Variants in UBR3 observed in about 807,000 individuals in gnomAD.
UBR3 encodes ubiquitin protein ligase E3 component n-recognin 3.
UBR3 carries 85 observed loss-of-function variants against 243.2 expected under a neutral mutation model. That is an observed-to-expected ratio of 0.35 (90% CI 0.29 to 0.42). The LOEUF (loss-of-function observed/expected upper bound fraction) is 0.42, where lower values mean the gene tolerates loss of function less well. UBR3 is among the 10% of genes least tolerant of loss of function. The pLI is 1.00. For synonymous variants in UBR3, 748 were observed against 799.8 expected (o/e 0.94, Z 1.09); for missense variants, 1,686 against 2,300.8 (o/e 0.73, Z 5.47).
intron 23 of UBR3, among the ~76,000 whole-genome samples, chr2:169,955,985 G>C (rs1037454484): frequency 2.0e-5 from 3 of 151,812 alleles, no homozygotes; most frequent in African/African-American, 4.8e-5. Context: ...GTGTTTCTTT[G>C]TTTGTCTGTG....
At chr2:169,955,555 A>T (rs1024349092) in intron 23 of UBR3, among the ~76,000 whole-genome samples, 1 of 151,872 alleles carries the variant, frequency 6.6e-6, no homozygotes, top group Non-Finnish European at 1.5e-5. Flanking sequence ...GCACTTTGGG[A>T]GGCTGAGGCG....
At chr2:169,927,441 G>T in intron 17 of UBR3, 36 bp downstream of exon 17, 2 of 1,410,042 alleles carry the variant, frequency 1.4e-6, no homozygotes, top group Non-Finnish European at 1.9e-6. Context: ...GTTAGTTGCA[G>T]GATCTAAAAT....
chr2:169,896,080 A>G (rs1322714865), intron 7 of UBR3, among the ~76,000 whole-genome samples: 1 of 152,144 alleles, frequency 6.6e-6, no homozygotes, highest in East Asian at 1.9e-4. Context: ...GCAGATCACC[A>G]GAGGTCGGGA....
intron 28 of UBR3, 71 bp from the exon 29 acceptor site, chr2:170,008,733 C>A: frequency 4.0e-6 from 3 of 750,080 alleles, no homozygotes; most frequent in East Asian, 3.0e-5. Flanking sequence ...ATATAATAAA[C>A]ATTCTAGTTT....
chr2:169,977,740 C>T (rs1230478765), intron 24 of UBR3, among the ~76,000 whole-genome samples: 1 of 152,192 alleles, frequency 6.6e-6, no homozygotes, highest in Admixed American at 6.5e-5. Context: ...ACATGTCATT[C>T]TCCTCTGGAA....
intron 30 of UBR3, among the ~76,000 whole-genome samples, chr2:170,026,283 G>T (rs1236860972): frequency 4.0e-5 from 6 of 151,886 alleles, no homozygotes; most frequent in Admixed American, 3.9e-4. Context: ...GAGATCTTAT[G>T]TTTCCAATGT....
In UBR3 at chr2:170,081,743, A is replaced by C; in HGVS notation, c.5567A>C (p.Tyr1856Ser). The C allele has an allele frequency of 6.2e-7, 1 of 1,606,112 alleles. No homozygotes were observed. The highest frequency in any genetic ancestry group is 8.5e-7 in the Non-Finnish European group (1 of 1,176,306). Reference sequence around the variant, plus strand: ...TGTTCTAGGCGAGGCAAACCTCTCTACATTTGTAAGGAAAGATACAAAGTT... The same window carrying C: ...TGTTCTAGGCGAGGCAAACCTCTCTCCATTTGTAAGGAAAGATACAAAGTT... ...DRDLRRGKPL[Y>S]ICKERYKVLE... The change falls in exon 39 of 39, where the codon TAC becomes TCC. Residue 1856 changes from tyrosine (Y) to serine (S), a missense_variant. By Grantham distance (144) the Tyr-to-Ser change is moderately radical. Coordinates refer to ENST00000272793, the MANE Select transcript of UBR3 (RefSeq NM_172070.4).
chr2:170,046,489 T>C (rs934822374), intron 32 of UBR3, among the ~76,000 whole-genome samples: 1 of 152,184 alleles, frequency 6.6e-6, no homozygotes, highest in Non-Finnish European at 1.5e-5. Flanking sequence ...AATAACATGA[T>C]CTTCTGTCCC....
intron 1 of UBR3, among the ~76,000 whole-genome samples, chr2:169,857,355 A>G (rs572637666): frequency 6.6e-6 from 1 of 151,970 alleles, no homozygotes; most frequent in Non-Finnish European, 1.5e-5. Context: ...AATGTGAGCC[A>G]CTGCGCCCGG....
chr2:169,852,981 A>G (rs73972637), intron 1 of UBR3, among the ~76,000 whole-genome samples: 3,389 of 152,250 alleles, frequency 0.022, 113 homozygotes, highest in African/African-American at 0.076. Flanking sequence ...GTGTGTATGA[A>G]TAATGACTAA....
intron 19 of UBR3, among the ~76,000 whole-genome samples, chr2:169,933,224 T>C (rs1229739223): frequency 2.0e-5 from 3 of 152,202 alleles, no homozygotes; most frequent in Non-Finnish European, 4.4e-5. Context: ...TAGAACATGA[T>C]CACTAAATTA....
intron 11 of UBR3, among the ~76,000 whole-genome samples, chr2:169,923,264 C>A (rs1389550582): frequency 6.6e-6 from 1 of 152,128 alleles, no homozygotes; most frequent in Non-Finnish European, 1.5e-5. Context: ...TCTAACGATG[C>A]CCTGCATTTA....
chr2:170,062,244 C>T (rs115084740), intron 35 of UBR3, among the ~76,000 whole-genome samples: 2,432 of 152,200 alleles, frequency 0.016, 34 homozygotes, highest in Non-Finnish European at 0.024. Flanking sequence ...GGTAGGAAAC[C>T]AGAAGGTAAG....
At chr2:170,062,277 G>A (rs1036779701) in intron 35 of UBR3, among the ~76,000 whole-genome samples, 5 of 152,190 alleles carry the variant, frequency 3.3e-5, no homozygotes, top group Non-Finnish European at 4.4e-5. Context: ...GTGCTTATAG[G>A]AATGTGATCC....
chr2:170,045,471 G>A (rs1370413532), intron 32 of UBR3, among the ~76,000 whole-genome samples: 1 of 152,088 alleles, frequency 6.6e-6, no homozygotes, highest in African/African-American at 2.4e-5. Flanking sequence ...TAACCATGCT[G>A]TATAGAATAC....
At chr2:169,843,210 A>G (rs1212351664) in intron 1 of UBR3, among the ~76,000 whole-genome samples, 3 of 152,238 alleles carry the variant, frequency 2.0e-5, no homozygotes, top group Non-Finnish European at 4.4e-5. Flanking sequence ...TTATAACAAA[A>G]TACCTGAGAC....
Position 169,875,817 on chromosome 2 carries a change from C to T in UBR3, c.712C>T (p.Leu238Phe). 5 of 1,542,468 alleles carry T rather than the reference C, an allele frequency of 3.2e-6. No homozygotes were observed. The highest frequency in any genetic ancestry group is 4.4e-6 in the Non-Finnish European group (5 of 1,144,012). ...AGCTGATGGACCATCAGAAAAGGAC[C>T]TTAACAAAGTCCTTCAGCTTTTGGA... ...PAADGPSEKD[L>F]NKVLQLLEPQ... Residue 238 changes from leucine to phenylalanine, a missense_variant, in exon 3 of 39, where the codon CTT (leucine) becomes TTT (phenylalanine). Coordinates refer to ENST00000272793, the MANE Select transcript of UBR3 (RefSeq NM_172070.4).
At chr2:169,969,004 A>C (rs2087958382) in intron 24 of UBR3, among the ~76,000 whole-genome samples, 1 of 152,156 alleles carries the variant, frequency 6.6e-6, no homozygotes. Flanking sequence ...TTTTTGAGAA[A>C]TGACTTATCA....
chr2:170,004,708 C>T (rs1423845562), intron 27 of UBR3, among the ~76,000 whole-genome samples: 2 of 151,742 alleles, frequency 1.3e-5, no homozygotes, highest in African/African-American at 2.4e-5. Flanking sequence ...GTCAGGAGTT[C>T]GAGACCAGCC....
Sources: allele counts gnomAD v4.1 joint callset (sites outside exome capture counted in the v4.1 genomes callset), GRCh38; gene constraint gnomAD v4.1.1; transcripts MANE v1.5; gene names NCBI Gene and HGNC (gene_info 2026-07-23, HGNC 2026-07-21).